The following DPY19L2 variants were observed in gnomAD, a reference collection of about 807,000 sequenced individuals.
DPY19L2 encodes the protein probable C-mannosyltransferase DPY19L2.
Under a neutral mutation model 97.9 loss-of-function variants are expected in DPY19L2, and 34 were observed. The ratio of observed to expected loss-of-function variants is 0.35; its 90% CI spans 0.26 to 0.46. DPY19L2 has a LOEUF of 0.46. DPY19L2 is among the 20% of genes least tolerant of loss of function. The pLI, the probability that DPY19L2 is intolerant of heterozygous loss-of-function variation, is 1.00. For synonymous variants in DPY19L2, 230 were observed against 307.9 expected, an observed-to-expected ratio of 0.75 and a Z score of 2.65; for missense variants, 623 against 911.4, an observed-to-expected ratio of 0.68 and a Z score of 4.07.
chr12:63,620,960 C>G (rs1888593765), intron 9 of DPY19L2, among the ~76,000 whole-genome samples: 1 of 151,876 alleles, frequency 6.6e-6, no homozygotes, highest in Non-Finnish European at 1.5e-5. Flanking sequence ...AACAGAAAAC[C>G]AAACACCACA....
chr12:63,610,893 T>G (rs1229294533), intron 11 of DPY19L2, among the ~76,000 whole-genome samples: 1 of 36,242 alleles, frequency 2.8e-5, no homozygotes, highest in Non-Finnish European at 6.4e-5. Flanking sequence ...CACACACAAA[T>G]ATTTCTTTTA....
At position 63,559,702 on chromosome 12, in the gene DPY19L2, T is replaced by C. The variant is rs570100515; in HGVS notation, c.*810A>G. ...AAGATCTAGGATCTGAAAATCTCAC[T>C]TCATAAATTTAACTGGATTTTCTTT... On this transcript the variant is annotated 3_prime_UTR_variant, in exon 22 of 22. Coordinates refer to ENST00000324472, the MANE Select transcript of DPY19L2 (RefSeq NM_173812.5). 15 of 152,272 alleles carry C rather than the reference T, an allele frequency of 9.9e-5. No individual in the cohort carries two copies. The South Asian group carries it at 3.1e-3, about 32-fold the overall frequency. 9.4% of individuals were successfully genotyped at this position (152,272 alleles called of 1,614,324 possible). A position where few individuals can be genotyped will look rare whatever the true frequency, so the allele number is the denominator to read the frequency against.
chr12:63,656,853 T>A (rs1455868411), intron 4 of DPY19L2, among the ~76,000 whole-genome samples: 2 of 151,706 alleles, frequency 1.3e-5, no homozygotes, highest in Non-Finnish European at 2.9e-5. Context: ...TTCTTTTTTT[T>A]ATATCTAGCA....
chr12:63,586,747 C>T (rs1271895778), intron 16 of DPY19L2, among the ~76,000 whole-genome samples: 1 of 152,080 alleles, frequency 6.6e-6, no homozygotes, highest in Non-Finnish European at 1.5e-5. Flanking sequence ...TAGCTACTAT[C>T]GTTGGTGGTA....
chr12:63,610,734 A>T (rs1175294057), intron 11 of DPY19L2, among the ~76,000 whole-genome samples: 1 of 150,448 alleles, frequency 6.6e-6, no homozygotes, highest in African/African-American at 2.4e-5. Context: ...CAAAAAATTG[A>T]AGAGAACACT....
At chr12:63,634,542 C>G (rs551999334) in intron 6 of DPY19L2, among the ~76,000 whole-genome samples, 3 of 152,278 alleles carry the variant, frequency 2.0e-5, no homozygotes, top group East Asian at 1.9e-4. Context: ...CCAAGGGAAG[C>G]CGTGATAGAC....
At chr12:63,649,899 T>C (rs1445932099) in intron 4 of DPY19L2, among the ~76,000 whole-genome samples, 1 of 152,148 alleles carries the variant, frequency 6.6e-6, no homozygotes, top group Non-Finnish European at 1.5e-5. Flanking sequence ...ATATCTCTGA[T>C]GAACATAGAT....
At chr12:63,598,899 T>C (rs1196592538) in intron 13 of DPY19L2, among the ~76,000 whole-genome samples, 1 of 151,380 alleles carries the variant, frequency 6.6e-6, no homozygotes, top group African/African-American at 2.4e-5. Flanking sequence ...AGGGCAGGCA[T>C]GGTGGTTCAC....
intron 6 of DPY19L2, among the ~76,000 whole-genome samples, chr12:63,641,245 C>T (rs1892653657): frequency 6.7e-6 from 1 of 148,760 alleles, no homozygotes; most frequent in African/African-American, 2.5e-5. Context: ...ATTTTTAAAG[C>T]TGCCCAAACA....
chr12:63,667,592 CTTCTT>C (rs1176315052), intron 1 of DPY19L2, among the ~76,000 whole-genome samples: 1 of 152,180 alleles, frequency 6.6e-6, no homozygotes. Flanking sequence ...ACACTCCCAA[CTTCTT>C]TTATTTCCAC....
chr12:63,622,014 T>C (rs1008617622), intron 8 of DPY19L2, among the ~76,000 whole-genome samples: 3 of 152,160 alleles, frequency 2.0e-5, no homozygotes, highest in East Asian at 3.9e-4. Flanking sequence ...AAATTCTGTA[T>C]TGGATTTTGA....
intron 5 of DPY19L2, among the ~76,000 whole-genome samples, chr12:63,645,681 T>A (rs1893316881): frequency 6.6e-6 from 1 of 152,134 alleles, no homozygotes; most frequent in South Asian, 2.1e-4. Context: ...TTCACTCACC[T>A]TCTCCTCTCT....
At chr12:63,644,747 C>T (rs1176015913) in intron 5 of DPY19L2, among the ~76,000 whole-genome samples, 1 of 151,838 alleles carries the variant, frequency 6.6e-6, no homozygotes, top group Non-Finnish European at 1.5e-5. Context: ...TAAGCTCACC[C>T]TTAATGAGTG....
intron 4 of DPY19L2, among the ~76,000 whole-genome samples, chr12:63,654,372 T>C (rs1329867010): frequency 6.6e-6 from 1 of 152,090 alleles, no homozygotes; most frequent in Non-Finnish European, 1.5e-5. Flanking sequence ...CTCTAAACAA[T>C]GTTCAAATAA....
chr12:63,570,647 T>TTGTGTG lies in DPY19L2; in HGVS notation c.2000+105_2000+110dup, dbSNP rs34668144. On this transcript the variant is annotated intron_variant, in intron 20 of 21. Coordinates refer to ENST00000324472, the MANE Select transcript of DPY19L2 (RefSeq NM_173812.5). ...TTCCAGTATGAAAATGAGGATGAGTTTGTGTGTGTGTGTGTGTGTGTGTGT... is the reference window on the plus strand; with the variant it reads ...TTCCAGTATGAAAATGAGGATGAGTTTGTGTGTGTGTGTGTGTGTGTGTGTGTGTGT... 1,058 of 565,800 alleles carry TTGTGTG rather than the reference T, an allele frequency of 1.9e-3. 12 individuals are homozygous for TTGTGTG. Among genetic ancestry groups the TTGTGTG allele is most frequent in the African/African-American group, 0.017 (802 of 46,110 alleles). 35.0% of individuals were successfully genotyped at this position (565,800 alleles called of 1,614,324 possible).
At chr12:63,668,016 C>A (rs754479230) in intron 1 of DPY19L2, 41 bp downstream of exon 1, 23 of 1,575,274 alleles carry the variant, frequency 1.5e-5, no homozygotes, top group Non-Finnish European at 2.0e-5. Context: ...AAGAAAAGCG[C>A]CATGCGGCTC....
chr12:63,611,008 A>T (rs1412544192), intron 11 of DPY19L2, among the ~76,000 whole-genome samples: 7 of 152,004 alleles, frequency 4.6e-5, no homozygotes, highest in Non-Finnish European at 1.0e-4. Context: ...AGGGAAATGT[A>T]AATCAAAACC....
chr12:63,629,668 C>A (rs1890232270), intron 6 of DPY19L2, among the ~76,000 whole-genome samples: 1 of 152,084 alleles, frequency 6.6e-6, no homozygotes, highest in Admixed American at 6.6e-5. Flanking sequence ...GAGAACTTCC[C>A]CAGTCTAGCA....
intron 16 of DPY19L2, among the ~76,000 whole-genome samples, chr12:63,592,179 G>A (rs986664579): frequency 4.0e-5 from 6 of 150,016 alleles, no homozygotes; most frequent in Non-Finnish European, 7.4e-5. Flanking sequence ...AGAAGGAAGG[G>A]AGGAAGGGAG....
Sources: gnomAD v4.1 joint callset for allele counts (sites outside exome capture counted in the v4.1 genomes callset) on GRCh38, gnomAD v4.1.1 for gene constraint, MANE v1.5 for transcripts, NCBI Gene and HGNC (gene_info 2026-07-23, HGNC 2026-07-21) for gene names.